The following GABRB3 variants were observed in gnomAD, a reference collection of about 807,000 sequenced individuals.
The protein encoded by GABRB3 is gamma-aminobutyric acid type A receptor subunit beta3.
A neutral mutation model predicts 52.1 loss-of-function variants in GABRB3; 14 were observed. The observed-to-expected ratio is 0.27, with a 90% CI of 0.18 to 0.42. The LOEUF (loss-of-function observed/expected upper bound fraction) is 0.42, where lower values mean the gene tolerates loss of function less well. Ranked by LOEUF, GABRB3 falls within the 10% of genes least tolerant of loss-of-function variation. The pLI is 1.00. For synonymous variants in GABRB3, 260 were observed against 232.3 expected (o/e 1.12, Z -1.08); for missense variants, 307 against 609.1 (o/e 0.50, Z 5.22).
At chr15:26,626,590 G>T (rs1269986703) in intron 3 of GABRB3, among the ~76,000 whole-genome samples, 3 of 152,214 alleles carry the variant, frequency 2.0e-5, no homozygotes, top group Admixed American at 2.0e-4. Flanking sequence ...TGATAAGAAA[G>T]TCCAACAGCC....
chr15:26,762,427 T>C (rs1890845237), intron 3 of GABRB3, among the ~76,000 whole-genome samples: 1 of 152,100 alleles, frequency 6.6e-6, no homozygotes, highest in Non-Finnish European at 1.5e-5. Flanking sequence ...TGGAAGACCA[T>C]TCTGATTCAA....
At chr15:26,773,556 AG>A, upstream of GABRB3, 1 of 1,022,250 alleles carries the variant, frequency 9.8e-7, no homozygotes, top group Admixed American at 2.2e-5. Flanking sequence ...GCAGCCCGAG[AG>A]CCCCCGGGTG....
intron 3 of GABRB3, among the ~76,000 whole-genome samples, chr15:26,762,248 A>T (rs966487742): frequency 2.2e-4 from 34 of 152,336 alleles, no homozygotes; most frequent in African/African-American, 5.5e-4. Context: ...CTTATTTTTT[A>T]AAATCAATTA....
chr15:26,741,238 T>G (rs998476496), intron 3 of GABRB3, among the ~76,000 whole-genome samples: 1 of 152,124 alleles, frequency 6.6e-6, no homozygotes, highest in African/African-American at 2.4e-5. Context: ...GAGTTCCCCA[T>G]CATATGATGA....
intron 3 of GABRB3, among the ~76,000 whole-genome samples, chr15:26,766,361 A>G (rs1890996956): frequency 6.6e-6 from 1 of 152,196 alleles, no homozygotes; most frequent in Non-Finnish European, 1.5e-5. Flanking sequence ...ACTTGTGAAA[A>G]TCAAGAAGTC....
chr15:26,732,355 TAGAG>T (rs35449657), intron 3 of GABRB3, among the ~76,000 whole-genome samples: 26,533 of 151,648 alleles, frequency 0.17, 3,280 homozygotes, highest in African/African-American at 0.34. Flanking sequence ...GATGAGTAGA[TAGAG>T]AGATAAATAA....
At chr15:26,733,650 T>C (rs1595557649) in intron 3 of GABRB3, among the ~76,000 whole-genome samples, 4 of 152,194 alleles carry the variant, frequency 2.6e-5, no homozygotes, top group Admixed American at 2.6e-4. Flanking sequence ...AAAATTCATA[T>C]GGAATCCCTA....
intron 3 of GABRB3, among the ~76,000 whole-genome samples, chr15:26,740,498 C>T (rs1285648342): frequency 1.3e-5 from 2 of 151,938 alleles, no homozygotes; most frequent in Non-Finnish European, 2.9e-5. Flanking sequence ...TGAAGGAGCA[C>T]CTGCATCTGA....
At chr15:26,663,415 C>T (rs1012762586) in intron 3 of GABRB3, among the ~76,000 whole-genome samples, 2 of 152,114 alleles carry the variant, frequency 1.3e-5, no homozygotes, top group East Asian at 1.9e-4. Flanking sequence ...TTTTGATGCA[C>T]GCATATTTGG....
intron 8 of GABRB3, among the ~76,000 whole-genome samples, chr15:26,552,985 G>A (rs907320722): frequency 6.6e-6 from 1 of 152,052 alleles, no homozygotes; most frequent in Non-Finnish European, 1.5e-5. Context: ...CCATGAAAAG[G>A]GATTTGATAA....
At position 26,547,902 on chromosome 15, in the gene GABRB3, T is replaced by C; in HGVS notation, c.1313A>G (p.Lys438Arg). Reference sequence around the variant, plus strand: ...ATTCACATCGGTTAGATCAGGTATTTTAATTTTGAGCTGTGAAGACCTCCT... The same window carrying C: ...ATTCACATCGGTTAGATCAGGTATTCTAATTTTGAGCTGTGAAGACCTCCT... ...LRRRSSQLKI[K>R]IPDLTDVNAI... Residue 438 changes from lysine to arginine, a missense_variant, in exon 9 of 9, where the codon AAA (lysine) becomes AGA (arginine). Around this residue, in one of 6 missense-constraint regions of GABRB3, gnomAD observed 115 missense variants for 166.9 expected, o/e 0.69. Transcript: ENST00000311550. The C allele has an allele frequency of 1.2e-6, 2 of 1,614,152 alleles. No homozygotes were observed. Among genetic ancestry groups the C allele is most frequent in the Non-Finnish European group, 1.7e-6 (2 of 1,180,028 alleles).
intron 6 of GABRB3, among the ~76,000 whole-genome samples, chr15:26,576,128 T>C (rs1284058453): frequency 6.6e-6 from 1 of 152,258 alleles, no homozygotes. Flanking sequence ...CTTTGATTTT[T>C]AGCTGAATAT....
At chr15:26,618,272 A>G (rs1352124284) in intron 4 of GABRB3, among the ~76,000 whole-genome samples, 1 of 151,858 alleles carries the variant, frequency 6.6e-6, no homozygotes, top group Non-Finnish European at 1.5e-5. Flanking sequence ...ACTATACTAC[A>G]AGGCTACAGT....
chr15:26,604,082 C>T (rs1229433504), intron 4 of GABRB3, among the ~76,000 whole-genome samples: 1 of 151,952 alleles, frequency 6.6e-6, no homozygotes, highest in Non-Finnish European at 1.5e-5. Flanking sequence ...TTGCAGGATA[C>T]AAAATCAACA....
chr15:26,558,347 G>T (rs1435199633), intron 8 of GABRB3, among the ~76,000 whole-genome samples: 1 of 152,204 alleles, frequency 6.6e-6, no homozygotes, highest in Non-Finnish European at 1.5e-5. Context: ...ATGGGTTCAT[G>T]AATGTTCGTG....
At chr15:26,618,135 T>A (rs1012590676) in intron 4 of GABRB3, among the ~76,000 whole-genome samples, 2 of 151,972 alleles carry the variant, frequency 1.3e-5, no homozygotes, top group Non-Finnish European at 2.9e-5. Flanking sequence ...AAGCTACCAA[T>A]GACTTTCTTC....
At chr15:26,705,998 T>C (rs1315843918) in intron 3 of GABRB3, among the ~76,000 whole-genome samples, 1 of 152,190 alleles carries the variant, frequency 6.6e-6, no homozygotes, top group East Asian at 1.9e-4. Flanking sequence ...CTCAGCCTCA[T>C]GCAATATACC....
intron 3 of GABRB3, among the ~76,000 whole-genome samples, chr15:26,664,199 T>C (rs1188120577): frequency 1.3e-5 from 2 of 152,176 alleles, no homozygotes; most frequent in African/African-American, 4.8e-5. Context: ...TGTGCCACCA[T>C]ATCCAGCTAA....
intron 3 of GABRB3, chr15:26,624,925 C>T: frequency 1.0e-5 from 10 of 985,506 alleles, no homozygotes; most frequent in Non-Finnish European, 1.1e-5. Context: ...AGCGGGCAGC[C>T]GCTTGTGTGA....
Sources: gnomAD v4.1 joint callset for allele counts (sites outside exome capture counted in the v4.1 genomes callset) on GRCh38, gnomAD v4.1.1 for gene constraint, gnomAD v4.1.1 regional missense constraint, MANE v1.5 for transcripts, NCBI Gene and HGNC (gene_info 2026-07-23, HGNC 2026-07-21) for gene names.